Variants in EFR3A observed in about 807,000 individuals in gnomAD.
EFR3A encodes the protein EFR3 homolog A.
EFR3A carries 76 observed loss-of-function variants against 104.4 expected under a neutral mutation model. The observed-to-expected ratio is 0.73, with a 90% confidence interval of 0.60 to 0.88. The LOEUF is 0.88. Among genes scored for constraint, EFR3A ranks in the 40% least tolerant of loss-of-function variants. The probability of loss-of-function intolerance (pLI) is 0.00; values close to 1 mark genes in which losing one functional copy is unlikely to be tolerated. For synonymous variants in EFR3A, 330 were observed against 330.0 expected (o/e 1.00, Z 0.00); for missense variants, 985 against 1,012.5 (o/e 0.97, Z 0.37).
chr8:132,000,709 A>C (rs756666461), intron 19 of EFR3A: 8 of 152,234 alleles, frequency 5.3e-5, no homozygotes, highest in Non-Finnish European at 1.0e-4. Context: ...TAGAATGCTT[A>C]TAAGTACAAA....
Position 131,946,582 on chromosome 8 carries a change from A to C in EFR3A, c.315A>C (p.Ala105=). ...TAGAAAGCTTTCTTCATATGGTGGC[A>C]AAGCTGCTGGAATCGGGGGAACCAA... is the stretch of plus-strand genomic sequence containing the variant. ...PFVESFLHMV[A]KLLESGEPKL... The change falls in exon 4 of 23, where the codon GCA becomes GCC. Residue 105 remains alanine, a synonymous_variant. Transcript: ENST00000254624. 1 of 1,606,442 alleles carries C rather than the reference A, an allele frequency of 6.2e-7. No homozygotes were observed. The highest frequency in any genetic ancestry group is 8.5e-7 in the Non-Finnish European group (1 of 1,176,430).
intron 1 of EFR3A, among the ~76,000 whole-genome samples, chr8:131,938,726 G>C (rs1818024028): frequency 6.6e-6 from 1 of 152,068 alleles, no homozygotes. Flanking sequence ...CTTGAGTTTA[G>C]TGTGGCAGTT....
chr8:131,935,618 T>C, intron 1 of EFR3A: 1 of 270,228 alleles, frequency 3.7e-6, no homozygotes, highest in South Asian at 3.0e-5. Context: ...TTGTATGCTT[T>C]TATAGATTAT....
chr8:131,943,830 A>G (rs1193301331), intron 2 of EFR3A, among the ~76,000 whole-genome samples: 1 of 152,028 alleles, frequency 6.6e-6, no homozygotes, highest in Non-Finnish European at 1.5e-5. Flanking sequence ...TTGCCAGTAA[A>G]TACTAATGTG....
intron 1 of EFR3A, among the ~76,000 whole-genome samples, chr8:131,909,767 G>T (rs1460553836): frequency 6.6e-6 from 1 of 152,116 alleles, no homozygotes; most frequent in African/African-American, 2.4e-5. Context: ...TGGCCTCTAC[G>T]AACTGGAAGC....
chr8:131,951,702 T>A lies in EFR3A; in HGVS notation c.488+1612T>A, dbSNP rs536707143. ...CAAAAAGAAACTTTGACATTTTCTG[T>A]AAACCAATGAAAGGACTTATAGTAC... is the stretch of plus-strand genomic sequence containing the variant. On this transcript the variant is annotated intron_variant, in intron 5 of 22. Transcript: ENST00000254624. Among the ~76,000 whole-genome samples the A allele has an allele frequency of 2.2e-4, 34 of 152,278 alleles. No homozygotes were observed. The South Asian group carries it at 7.0e-3, about 32-fold the overall frequency.
At chr8:131,904,906 G>T (rs1256283501) in intron 1 of EFR3A, among the ~76,000 whole-genome samples, 2 of 152,160 alleles carry the variant, frequency 1.3e-5, no homozygotes, top group Non-Finnish European at 2.9e-5. Flanking sequence ...TAAAAATGCC[G>T]GTTTCGGGAC....
At chr8:131,919,302 A>C (rs575708908) in intron 1 of EFR3A, among the ~76,000 whole-genome samples, 4 of 152,202 alleles carry the variant, frequency 2.6e-5, no homozygotes, top group Non-Finnish European at 5.9e-5. Context: ...CATACCATAA[A>C]ATTTACCTGT....
intron 3 of EFR3A, among the ~76,000 whole-genome samples, chr8:131,946,282 A>G (rs1340665556): frequency 1.3e-5 from 2 of 152,096 alleles, no homozygotes; most frequent in African/African-American, 4.8e-5. Flanking sequence ...TATTTTCTGT[A>G]TACTTCGATA....
At chr8:132,007,798 A>G (rs1200204855) in intron 22 of EFR3A, among the ~76,000 whole-genome samples, 2 of 152,044 alleles carry the variant, frequency 1.3e-5, no homozygotes, top group Non-Finnish European at 2.9e-5. Flanking sequence ...GGAGAGTCCT[A>G]TCAAAAACTT....
chr8:131,949,414 A>G (rs1035335574), intron 4 of EFR3A, among the ~76,000 whole-genome samples: 2 of 152,192 alleles, frequency 1.3e-5, no homozygotes, highest in African/African-American at 4.8e-5. Context: ...TTCTTTGTAC[A>G]ATGATAAATA....
At chr8:131,916,278 G>A (rs912069428) in intron 1 of EFR3A, among the ~76,000 whole-genome samples, 2 of 152,240 alleles carry the variant, frequency 1.3e-5, no homozygotes, top group Non-Finnish European at 2.9e-5. Flanking sequence ...GACTTGGATG[G>A]TGGTTGTAGG....
At chr8:131,993,558 C>T (rs1821315984) in intron 18 of EFR3A, among the ~76,000 whole-genome samples, 1 of 152,070 alleles carries the variant, frequency 6.6e-6, no homozygotes, top group African/African-American at 2.4e-5. Flanking sequence ...TTCTTTGCCC[C>T]TTCAGGAAAG....
chr8:131,978,330 G>A (rs977357730), intron 12 of EFR3A, among the ~76,000 whole-genome samples: 2 of 152,026 alleles, frequency 1.3e-5, no homozygotes, highest in African/African-American at 2.4e-5. Flanking sequence ...AGATATTGAC[G>A]TACTCTTAAA....
chr8:131,935,942 T>A (rs1008265112), intron 1 of EFR3A, among the ~76,000 whole-genome samples: 25 of 152,054 alleles, frequency 1.6e-4, no homozygotes, highest in Admixed American at 5.2e-4. Context: ...AAACCAGAAG[T>A]ACTCAGTGGT....
chr8:131,932,657 A>G (rs746700296), intron 1 of EFR3A, among the ~76,000 whole-genome samples: 1 of 152,170 alleles, frequency 6.6e-6, no homozygotes, highest in African/African-American at 2.4e-5. Flanking sequence ...GTAAGTTCCT[A>G]TAGAAAGCTC....
Position 131,979,353 on chromosome 8 carries a change from C to G in EFR3A, c.1507C>G (p.Pro503Ala), listed in dbSNP as rs756200882. 2.6e-6 allele frequency: 4 copies of G among 1,560,630 alleles called. No individual in the cohort carries two copies. The part of the protein sequence containing the change: ...RAKLRGIRII[P>A]DVADLKIKRE... ...TATATTGATCGTCTCTAGAATAATACCGGATGTAGCTGACCTAAAGATAAA... is the reference window on the plus strand; with the variant it reads ...TATATTGATCGTCTCTAGAATAATAGCGGATGTAGCTGACCTAAAGATAAA... Residue 503 changes from proline to alanine, a missense_variant, in exon 14 of 23, where the codon CCG (proline) becomes GCG (alanine). Pro to Ala is a conservative substitution (Grantham distance 27). Coordinates refer to ENST00000254624, the MANE Select transcript of EFR3A (RefSeq NM_015137.6).
chr8:131,982,385 T>C (rs1408210669), intron 14 of EFR3A, among the ~76,000 whole-genome samples: 1 of 152,152 alleles, frequency 6.6e-6, no homozygotes, highest in Non-Finnish European at 1.5e-5. Context: ...AGTTTTCTTT[T>C]GTTGTCAGAC....
Position 131,986,236 on chromosome 8 carries a change from G to A in EFR3A, c.1912G>A (p.Glu638Lys), listed in dbSNP as rs1820873497. 2.5e-6 allele frequency: 4 copies of A among 1,592,108 alleles called. No individual in the cohort carries two copies. The Admixed American group carries it at 6.8e-5, about 27-fold the overall frequency. ...RTMEAPYFLP[E>K]HIFRDKCMLP... ...TATGGAAGCCCCTTATTTTCTACCA[G>A]AGCATATCTTCAGAGATAAGTGCAT... The change falls in exon 17 of 23, where the codon GAG (glutamate) becomes AAG (lysine). Residue 638 changes from glutamate (E) to lysine (K), a missense_variant. Glu to Lys is a moderately conservative substitution (Grantham distance 56, BLOSUM62 1). Transcript: ENST00000254624.
Sources: allele counts gnomAD v4.1 joint callset (sites outside exome capture counted in the v4.1 genomes callset), GRCh38; gene constraint gnomAD v4.1.1; transcripts MANE v1.5; gene names NCBI Gene and HGNC (gene_info 2026-07-23, HGNC 2026-07-21).